Variants in TRAPPC8 observed in about 807,000 individuals in gnomAD.
TRAPPC8 encodes trafficking protein particle complex subunit 8, also known as general sporulation gene 1 homolog.
TRAPPC8 carries 54 observed loss-of-function variants against 174.3 expected under a neutral mutation model. The ratio of observed to expected loss-of-function variants is 0.31; its 90% CI spans 0.25 to 0.39. TRAPPC8 has a LOEUF of 0.39. TRAPPC8 is among the 10% of genes least tolerant of loss of function. The pLI, the probability that TRAPPC8 is intolerant of heterozygous loss-of-function variation, is 1.00. For synonymous variants in TRAPPC8, 630 were observed against 579.9 expected, an observed-to-expected ratio of 1.09 and a Z score of -1.24; for missense variants, 1,531 against 1,699.1, an observed-to-expected ratio of 0.90 and a Z score of 1.74.
chr18:31,862,223 A>G (rs1184085667), intron 19 of TRAPPC8, among the ~76,000 whole-genome samples: 1 of 152,172 alleles, frequency 6.6e-6, no homozygotes, highest in African/African-American at 2.4e-5. Flanking sequence ...GGCTTTACCA[A>G]TGCAATTCTA....
intron 27 of TRAPPC8, among the ~76,000 whole-genome samples, chr18:31,832,941 C>G (rs747004174): frequency 2.0e-4 from 30 of 152,132 alleles, no homozygotes; most frequent in Non-Finnish European, 3.7e-4. Flanking sequence ...CTTTTAAATT[C>G]TGCTCAGATA....
chr18:31,851,305 G>A (rs1399623369), intron 24 of TRAPPC8, among the ~76,000 whole-genome samples: 1 of 152,118 alleles, frequency 6.6e-6, no homozygotes, highest in Non-Finnish European at 1.5e-5. Context: ...TTTAGAGGTA[G>A]GGGAGGTAAA....
At position 31,885,137 on chromosome 18, in the gene TRAPPC8, G is replaced by A. The variant is rs190575320; in HGVS notation, c.1728+5598C>T. On this transcript the variant is annotated intron_variant, in intron 12 of 28. Transcript: ENST00000283351. The stretch of plus-strand genomic sequence containing the variant: ...CTCCCAAAGTGCTGGGATTATAGGC[G>A]TGAGCCACCGTACCCAGCCAAAATT... 2.7e-3 allele frequency among the ~76,000 whole-genome samples: 410 copies of A among 152,232 alleles called. 1 individual carries two copies. Among genetic ancestry groups the A allele is most frequent in the African/African-American group, 9.1e-3 (379 of 41,522 alleles).
At chr18:31,860,765 A>T (rs1384220670) in intron 19 of TRAPPC8, among the ~76,000 whole-genome samples, 1 of 152,200 alleles carries the variant, frequency 6.6e-6, no homozygotes, top group Non-Finnish European at 1.5e-5. Context: ...CTATTCTCTT[A>T]CAAGAAAATA....
intron 14 of TRAPPC8, 145 bp downstream of exon 14, chr18:31,873,285 G>A (rs1487614841): frequency 1.6e-6 from 1 of 611,932 alleles, no homozygotes; most frequent in Non-Finnish European, 2.8e-6. Context: ...CCAAAGTGCT[G>A]GGATTACAGG....
intron 25 of TRAPPC8, among the ~76,000 whole-genome samples, chr18:31,848,031 T>C (rs907413840): frequency 1.3e-5 from 2 of 152,280 alleles, no homozygotes; most frequent in East Asian, 1.9e-4. Flanking sequence ...ACAACTTTAA[T>C]GACTTTTCAA....
intron 3 of TRAPPC8, among the ~76,000 whole-genome samples, chr18:31,916,845 G>GCA (rs1491548498): frequency 5.7e-5 from 1 of 17,452 alleles, no homozygotes. Flanking sequence ...TATTTTCACA[G>GCA]CAAAAAAAAA....
rs1598763310 is a variant in TRAPPC8, at chr18:31,934,804, T to C, written c.158-3281A>G. ...ATCGCTTGAACCCGGGAGGCAGAGG[T>C]TGCACTGAGCCGAGACCACACCATT... On this transcript the variant is annotated intron_variant, in intron 1 of 28. Coordinates refer to ENST00000283351, the MANE Select transcript of TRAPPC8 (RefSeq NM_014939.5). 2.7e-5 allele frequency among the ~76,000 whole-genome samples: 4 copies of C among 149,654 alleles called. No individual in the cohort carries two copies. In the South Asian group the frequency reaches 6.4e-4, roughly 24 times the overall value.
At chr18:31,934,987 TA>T (rs1555682631) in intron 1 of TRAPPC8, among the ~76,000 whole-genome samples, 1 of 146,082 alleles carries the variant, frequency 6.8e-6, no homozygotes, top group Non-Finnish European at 1.5e-5. Flanking sequence ...AATAAATAAA[TA>T]AAATGTATTT....
In TRAPPC8 at chr18:31,908,407, T is replaced by C. The variant is rs1404391562; in HGVS notation, c.1134A>G (p.Arg378=). 1 of 1,579,806 alleles carries C rather than the reference T, an allele frequency of 6.3e-7. No individual in the cohort carries two copies. Among genetic ancestry groups the C allele is most frequent in the Non-Finnish European group, 8.6e-7 (1 of 1,162,770 alleles). ...AAAATAGAGATCGACTCAAACCTTT[T>C]CTTGATATTAGCTTTAAAAAAGAGA... The part of the protein sequence containing the change: ...IRQLNDQLIS[R]KGLSRSLFSA... Residue 378 remains arginine, a synonymous_variant, in exon 8 of 29, where the codon AGA becomes AGG. Transcript: ENST00000283351.
intron 12 of TRAPPC8, among the ~76,000 whole-genome samples, chr18:31,880,738 C>G (rs765347881): frequency 1.3e-5 from 2 of 151,990 alleles, no homozygotes; most frequent in African/African-American, 2.4e-5. Context: ...ATGACAAGAT[C>G]CTATACCTAG....
intron 12 of TRAPPC8, among the ~76,000 whole-genome samples, chr18:31,887,862 A>T (rs1239727034): frequency 6.6e-6 from 1 of 152,070 alleles, no homozygotes; most frequent in African/African-American, 2.4e-5. Context: ...CAATCAAGCA[A>T]GAGAAAGAAA....
At chr18:31,854,272 T>A (rs534430549) in intron 21 of TRAPPC8, among the ~76,000 whole-genome samples, 37 of 152,180 alleles carry the variant, frequency 2.4e-4, no homozygotes, top group Non-Finnish European at 4.7e-4. Context: ...TAATCAAAAT[T>A]ATGGCATTTT....
At chr18:31,856,265 C>A (rs1275064296) in intron 20 of TRAPPC8, among the ~76,000 whole-genome samples, 1 of 151,998 alleles carries the variant, frequency 6.6e-6, no homozygotes, top group Admixed American at 6.6e-5. Flanking sequence ...ACCACCACAC[C>A]CTATAATTTT....
intron 19 of TRAPPC8, among the ~76,000 whole-genome samples, chr18:31,861,342 T>A (rs1370402559): frequency 6.6e-6 from 1 of 152,190 alleles, no homozygotes; most frequent in East Asian, 1.9e-4. Context: ...AATTGTGATA[T>A]GCAAGAAGCA....
At chr18:31,851,676 A>G (rs1212731409) in intron 24 of TRAPPC8, among the ~76,000 whole-genome samples, 1 of 152,060 alleles carries the variant, frequency 6.6e-6, no homozygotes, top group Non-Finnish European at 1.5e-5. Context: ...ACTCTTATAC[A>G]TAATTAGGAT....
chr18:31,932,068 A>C (rs1382631562), intron 1 of TRAPPC8, among the ~76,000 whole-genome samples: 1 of 151,850 alleles, frequency 6.6e-6, no homozygotes, highest in Non-Finnish European at 1.5e-5. Flanking sequence ...GTATGTAGAA[A>C]CTCTCTGTAC....
chr18:31,864,890 C>A (rs370773071), intron 18 of TRAPPC8, 109 bp from the exon 19 acceptor site: 1 of 1,050,228 alleles, frequency 9.5e-7, no homozygotes, highest in South Asian at 1.8e-5. Context: ...TAGAAAAATT[C>A]TAGACAATTT....
chr18:31,909,440 A>C (rs1369523846), intron 6 of TRAPPC8: 1 of 493,298 alleles, frequency 2.0e-6, no homozygotes, highest in Non-Finnish European at 2.6e-6. Flanking sequence ...TGCTTTCTAC[A>C]AAATATTTTA....
Sources: allele counts gnomAD v4.1 joint callset (sites outside exome capture counted in the v4.1 genomes callset), GRCh38; gene constraint gnomAD v4.1.1; transcripts MANE v1.5; gene names NCBI Gene and HGNC (gene_info 2026-07-23, HGNC 2026-07-21).